The following PRELID2 variants were observed in gnomAD, a reference collection of about 807,000 sequenced individuals.
PRELID2 encodes PRELI domain containing 2, also known as PRELI domain-containing protein 2.
PRELID2 carries 25 observed loss-of-function variants against 28.4 expected under a neutral mutation model. The observed-to-expected ratio is 0.88, with a 90% CI of 0.64 to 1.23. PRELID2 has a LOEUF of 1.23. Among genes scored for constraint, PRELID2 ranks in the 50% most tolerant of loss-of-function variants. The pLI, the probability that PRELID2 is intolerant of heterozygous loss-of-function variation, is 0.00. For missense variants in PRELID2, 201 were observed against 214.4 expected (o/e 0.94, Z 0.39); for synonymous variants, 76 against 71.6 (o/e 1.06, Z -0.31).
chr5:145,369,495 C>T, the PRELID2 span, among the ~76,000 whole-genome samples: 1 of 152,082 alleles, frequency 6.6e-6, no homozygotes. Flanking sequence ...TGTATATGTA[C>T]CACATTTTCT....
intron 1 of PRELID2, among the ~76,000 whole-genome samples, chr5:145,610,038 G>A (rs1316802911): frequency 1.3e-5 from 2 of 152,324 alleles, no homozygotes; most frequent in Admixed American, 6.5e-5. Flanking sequence ...CTGCTGGACT[G>A]GAGAGATGAC....
the PRELID2 span, among the ~76,000 whole-genome samples, chr5:145,278,660 T>G: frequency 6.6e-6 from 1 of 152,114 alleles, no homozygotes; most frequent in Non-Finnish European, 1.5e-5. Context: ...CTTGCCATAT[T>G]CATTTTGCCA....
chr5:145,733,975 T>C (rs1448786657), intron 1 of PRELID2, among the ~76,000 whole-genome samples: 1 of 152,018 alleles, frequency 6.6e-6, no homozygotes, highest in Non-Finnish European at 1.5e-5. Flanking sequence ...TTAAAGATGC[T>C]ATGGGGAAGG....
At chr5:145,347,402 G>C in the PRELID2 span, among the ~76,000 whole-genome samples, 1 of 152,116 alleles carries the variant, frequency 6.6e-6, no homozygotes, top group Non-Finnish European at 1.5e-5. Context: ...TAGTCATGTC[G>C]AGTGGAGCAT....
intron 1 of PRELID2, among the ~76,000 whole-genome samples, chr5:145,478,064 T>G (rs1302291054): frequency 6.6e-6 from 1 of 152,118 alleles, no homozygotes; most frequent in Non-Finnish European, 1.5e-5. Context: ...AATAAATAAA[T>G]AAATTTCAAG....
chr5:145,239,983 G>A, the PRELID2 span, among the ~76,000 whole-genome samples: 1 of 151,990 alleles, frequency 6.6e-6, no homozygotes, highest in Non-Finnish European at 1.5e-5. Context: ...GTTGAATGCT[G>A]TTTTCTCAGA....
chr5:145,613,633 T>C lies in PRELID2; in HGVS notation n.71-140318A>G, dbSNP rs114881433. 8.2e-3 allele frequency among the ~76,000 whole-genome samples: 1,246 copies of C among 152,214 alleles called. 3 individuals carry two copies. The highest frequency in any genetic ancestry group is 0.014 in the Middle Eastern group (4 of 294). ...ATGAGAACATTTGTATATCTTCTTT[T>C]GAGAATTGTCTATTCTTAACCCACT... On this transcript the variant is annotated intron_variant and non_coding_transcript_variant, in intron 1 of 2. Transcript: ENST00000510259.
At chr5:145,694,974 C>T (rs1013367486) in intron 1 of PRELID2, among the ~76,000 whole-genome samples, 2 of 152,142 alleles carry the variant, frequency 1.3e-5, no homozygotes, top group Non-Finnish European at 2.9e-5. Flanking sequence ...CCATCACCCC[C>T]CACATAGTTA....
At chr5:145,383,622 CAAA>C in the PRELID2 span, among the ~76,000 whole-genome samples, 16 of 127,200 alleles carry the variant, frequency 1.3e-4, no homozygotes, top group African/African-American at 4.7e-4. Flanking sequence ...TGTCAGCATG[CAAA>C]AAAAAAAAAA....
intron 1 of PRELID2, among the ~76,000 whole-genome samples, chr5:145,643,566 A>C (rs765386071): frequency 4.6e-5 from 7 of 152,196 alleles, no homozygotes; most frequent in Non-Finnish European, 7.3e-5. Context: ...AGGAGTGGTG[A>C]GAGAGGGCAT....
At position 145,564,073 on chromosome 5, in the gene PRELID2, A is replaced by T. The variant is rs536505259; in HGVS notation, n.71-90758T>A. On this transcript the variant is annotated intron_variant and non_coding_transcript_variant, in intron 1 of 2. Transcript: ENST00000510259. ...TTAGTTAAAAAGAAAGCTCAAAAGCATTGATTTTACTTTTTGAAAAAGACT... is the reference window on the plus strand; with the variant it reads ...TTAGTTAAAAAGAAAGCTCAAAAGCTTTGATTTTACTTTTTGAAAAAGACT... 4.3e-4 allele frequency among the ~76,000 whole-genome samples: 65 copies of T among 152,358 alleles called. 1 individual carries two copies. The highest frequency in any genetic ancestry group is 1.5e-3 in the African/African-American group (64 of 41,596).
chr5:145,275,345 C>A, the PRELID2 span, among the ~76,000 whole-genome samples: 285 of 152,046 alleles, frequency 1.9e-3, no homozygotes, highest in African/African-American at 6.5e-3. Context: ...ATTAATCACC[C>A]CTGTGAGACA....
In PRELID2 at chr5:145,539,050, T is replaced by C. The variant is rs145377667; in HGVS notation, n.71-65735A>G. Among the ~76,000 whole-genome samples, 21 of 151,962 alleles carry C rather than the reference T, an allele frequency of 1.4e-4. No individual in the cohort carries two copies. In the East Asian group the frequency reaches 3.9e-3, roughly 28 times the overall value. ...AATCCAAATTGCTGAATGCTGGTCT[T>C]CCAAGGAGTAGAAAGGCAATGAGAT... On this transcript the variant is annotated intron_variant and non_coding_transcript_variant, in intron 1 of 2. Transcript: ENST00000510259.
chr5:145,427,132 C>G, the PRELID2 span, among the ~76,000 whole-genome samples: 1 of 152,234 alleles, frequency 6.6e-6, no homozygotes, highest in Non-Finnish European at 1.5e-5. Flanking sequence ...TCAAATACAT[C>G]TAATTGCTCC....
At chr5:145,809,300 C>T (rs1753770945) in intron 4 of PRELID2, among the ~76,000 whole-genome samples, 1 of 152,228 alleles carries the variant, frequency 6.6e-6, no homozygotes, top group Non-Finnish European at 1.5e-5. Context: ...CCTTAGCCTC[C>T]CAAAGTGCCG....
At chr5:145,301,211 G>T in the PRELID2 span, among the ~76,000 whole-genome samples, 3 of 152,138 alleles carry the variant, frequency 2.0e-5, no homozygotes, top group East Asian at 3.9e-4. Flanking sequence ...GTGTAACATT[G>T]TGGTTTTAAT....
the PRELID2 span, among the ~76,000 whole-genome samples, chr5:145,390,369 C>T: frequency 9.2e-5 from 14 of 152,254 alleles, 1 homozygote; most frequent in South Asian, 4.1e-4. Context: ...AGCATGGCTA[C>T]GGAGGCCTCA....
At chr5:145,545,759 G>A (rs189025926) in intron 1 of PRELID2, among the ~76,000 whole-genome samples, 6 of 152,154 alleles carry the variant, frequency 3.9e-5, no homozygotes. Context: ...AGCTACTCTG[G>A]TTCTCACGTC....
intron 1 of PRELID2, among the ~76,000 whole-genome samples, chr5:145,489,782 G>A (rs1215238617): frequency 1.3e-5 from 2 of 152,154 alleles, no homozygotes; most frequent in African/African-American, 4.8e-5. Context: ...TGATTGGAGG[G>A]AGAATTAACT....
Sources: gnomAD v4.1 joint callset for allele counts (sites outside exome capture counted in the v4.1 genomes callset) on GRCh38, gnomAD v4.1.1 for gene constraint, MANE v1.5 for transcripts, NCBI Gene and HGNC (gene_info 2026-07-23, HGNC 2026-07-21) for gene names.